GALNT1: variants seen among roughly 807,000 people sequenced by gnomAD.
GALNT1 encodes polypeptide N-acetylgalactosaminyltransferase 1, also known as GalNAc transferase 1.
GALNT1 carries 17 observed loss-of-function variants against 65.7 expected under a neutral mutation model. That is an observed-to-expected ratio of 0.26 (90% CI 0.18 to 0.39). GALNT1 has a LOEUF of 0.39. GALNT1 is among the 10% of genes least tolerant of loss of function. GALNT1 has a pLI of 1.00. For synonymous variants in GALNT1, 210 were observed against 219.7 expected, an observed-to-expected ratio of 0.96 and a Z score of 0.39; for missense variants, 460 against 672.8, an observed-to-expected ratio of 0.68 and a Z score of 3.50.
At chr18:35,708,369 C>CTGTG (rs2048300097) in intron 11 of GALNT1, among the ~76,000 whole-genome samples, 1 of 152,182 alleles carries the variant, frequency 6.6e-6, no homozygotes, top group Non-Finnish European at 1.5e-5. Context: ...CAAAGATAGA[C>CTGTG]TGTCATCTGC....
At chr18:35,624,129 T>C (rs2046888518) in intron 1 of GALNT1, among the ~76,000 whole-genome samples, 1 of 152,230 alleles carries the variant, frequency 6.6e-6, no homozygotes, top group Non-Finnish European at 1.5e-5. Flanking sequence ...ATGTTCCTTT[T>C]CTTTGGAGCC....
At chr18:35,679,228 C>A (rs551608202) in intron 4 of GALNT1, among the ~76,000 whole-genome samples, 4 of 152,278 alleles carry the variant, frequency 2.6e-5, no homozygotes, top group African/African-American at 9.6e-5. Context: ...ATTTATCCTG[C>A]AAATGACTTG....
At chr18:35,618,665 TC>T (rs889555403) in intron 1 of GALNT1, among the ~76,000 whole-genome samples, 27 of 152,186 alleles carry the variant, frequency 1.8e-4, no homozygotes, top group African/African-American at 6.5e-4. Context: ...GTTTTTTTTT[TC>T]CAACAATTTA....
intron 1 of GALNT1, among the ~76,000 whole-genome samples, chr18:35,622,544 A>G (rs1300550702): frequency 6.6e-6 from 1 of 152,150 alleles, no homozygotes; most frequent in Non-Finnish European, 1.5e-5. Context: ...GAGCCAAAGC[A>G]CCTGGCTTAG....
At chr18:35,676,177 T>C (rs1310717650) in intron 3 of GALNT1, among the ~76,000 whole-genome samples, 1 of 151,846 alleles carries the variant, frequency 6.6e-6, no homozygotes, top group East Asian at 1.9e-4. Context: ...AGAGTGAACA[T>C]AGGGAGCAAG....
At chr18:35,660,766 G>A (rs1010509135) in intron 2 of GALNT1, among the ~76,000 whole-genome samples, 5 of 152,128 alleles carry the variant, frequency 3.3e-5, no homozygotes, top group Non-Finnish European at 5.9e-5. Context: ...CGTTTGCCAA[G>A]AAAATTAGTT....
At chr18:35,630,636 T>G (rs2046993491) in intron 1 of GALNT1, among the ~76,000 whole-genome samples, 1 of 151,942 alleles carries the variant, frequency 6.6e-6, no homozygotes, top group Non-Finnish European at 1.5e-5. Flanking sequence ...ACATCACAAT[T>G]AAAAGAACTA....
intron 1 of GALNT1, among the ~76,000 whole-genome samples, chr18:35,606,618 A>G (rs978397397): frequency 1.3e-5 from 2 of 152,164 alleles, no homozygotes; most frequent in African/African-American, 4.8e-5. Context: ...CTCTAAGGTG[A>G]TACAGTCAGC....
At chr18:35,632,630 A>G (rs1462030557) in intron 1 of GALNT1, among the ~76,000 whole-genome samples, 4 of 152,254 alleles carry the variant, frequency 2.6e-5, no homozygotes, top group African/African-American at 4.8e-5. Context: ...CATTCAGGAC[A>G]TAGGCATGGG....
intron 1 of GALNT1, among the ~76,000 whole-genome samples, chr18:35,584,428 A>G (rs532161562): frequency 4.3e-4 from 65 of 152,322 alleles, no homozygotes; most frequent in African/African-American, 1.4e-3. Flanking sequence ...TAGAGGAGGA[A>G]GGAAAGAGGA....
At chr18:35,593,488 CTAT>C (rs1372386094) in intron 1 of GALNT1, among the ~76,000 whole-genome samples, 1 of 151,916 alleles carries the variant, frequency 6.6e-6, no homozygotes, top group Non-Finnish European at 1.5e-5. Flanking sequence ...GGAGCAGAAC[CTAT>C]TATTAGTAGG....
rs113435344 is a variant in GALNT1 at position 35,622,004 on chromosome 18, C to T, written c.-103-32556C>T. 5.3e-3 allele frequency among the ~76,000 whole-genome samples: 811 copies of T among 152,174 alleles called. 10 individuals carry two copies. The highest frequency in any genetic ancestry group is 0.019 in the African/African-American group (770 of 41,496). On this transcript the variant is annotated intron_variant, in intron 1 of 11. Transcript: ENST00000269195. ...ATCTTGATATATGGTAGACAGAGTT[C>T]TCTGACCTTGTTGTTTAAAATTGTA...
At chr18:35,613,925 C>T (rs1228759841) in intron 1 of GALNT1, among the ~76,000 whole-genome samples, 1 of 151,978 alleles carries the variant, frequency 6.6e-6, no homozygotes, top group African/African-American at 2.4e-5. Context: ...GTCTCAGTCT[C>T]AGGACTGAGA....
intron 3 of GALNT1, among the ~76,000 whole-genome samples, chr18:35,669,678 T>C (rs1008430371): frequency 2.6e-5 from 4 of 152,218 alleles, no homozygotes; most frequent in Non-Finnish European, 4.4e-5. Context: ...GGAACTTCTT[T>C]AATCTGACAA....
At chr18:35,684,176 CTT>C (rs2047831598) in intron 5 of GALNT1, among the ~76,000 whole-genome samples, 1 of 152,212 alleles carries the variant, frequency 6.6e-6, no homozygotes, top group South Asian at 2.1e-4. Context: ...GAGAACCTGA[CTT>C]CAGTCTGCTA....
intron 9 of GALNT1, 75 bp downstream of exon 9, chr18:35,692,395 G>C: frequency 6.3e-6 from 6 of 949,434 alleles, no homozygotes; most frequent in Non-Finnish European, 8.6e-6. Flanking sequence ...ATAGGAGTTA[G>C]TTAAACTTCC....
At chr18:35,592,156 T>TA (rs768098672) in intron 1 of GALNT1, among the ~76,000 whole-genome samples, 1 of 152,122 alleles carries the variant, frequency 6.6e-6, no homozygotes, top group East Asian at 1.9e-4. Context: ...AGGGGATACT[T>TA]ACAGTTACGG....
chr18:35,619,172 A>G (rs1055634227), intron 1 of GALNT1, among the ~76,000 whole-genome samples: 10 of 152,324 alleles, frequency 6.6e-5, no homozygotes, highest in East Asian at 1.9e-4. Context: ...GTCTTTCTGT[A>G]ACATGCTAAT....
chr18:35,644,029 A>G (rs1422628001), intron 1 of GALNT1, among the ~76,000 whole-genome samples: 1 of 152,198 alleles, frequency 6.6e-6, no homozygotes, highest in Non-Finnish European at 1.5e-5. Context: ...CATTCCACTC[A>G]AGACACTAAA....
Sources: allele counts gnomAD v4.1 joint callset (sites outside exome capture counted in the v4.1 genomes callset), GRCh38; gene constraint gnomAD v4.1.1; transcripts MANE v1.5; gene names NCBI Gene and HGNC (gene_info 2026-07-23, HGNC 2026-07-21).